The following NBPF12 variants were observed in gnomAD, a reference collection of about 807,000 sequenced individuals.
The protein encoded by NBPF12 is NBPF member 12.
Under a neutral mutation model 146.4 loss-of-function variants are expected in NBPF12, and 115 were observed. The observed-to-expected ratio is 0.79, with a 90% CI of 0.68 to 0.92. The LOEUF is 0.92. NBPF12 is among the 40% of genes least tolerant of loss of function. NBPF12 has a pLI of 0.00. For missense variants in NBPF12, 1,205 were observed against 1,326.8 expected (o/e 0.91, Z 1.43); for synonymous variants, 385 against 508.9 (o/e 0.76, Z 3.28).
rs1228501002 is a variant in NBPF12, at chr1:146,952,981, T to C, written c.-184+1492T>C. Among the ~76,000 whole-genome samples the C allele has an allele frequency of 9.9e-5, 15 of 151,126 alleles. No individual in the cohort carries two copies. The East Asian group carries it at 2.9e-3, about 30-fold the overall frequency. ...TCCCACCAAGGAAGACCCAGAGGCA[T>C]TCTCCTCACCAAGGCATTAAGAAAT... is the stretch of plus-strand genomic sequence containing the variant. On this transcript the variant is annotated intron_variant, in intron 2 of 33. Transcript: ENST00000617844.
At chr1:146,972,720 C>T (rs1303958757) in intron 13 of NBPF12, 31 bp from the exon 17 acceptor site, 4 of 1,376,178 alleles carry the variant, frequency 2.9e-6, no homozygotes, top group Non-Finnish European at 4.1e-6. Flanking sequence ...CAGTTTTTAA[C>T]CCATCATGTG....
intron 6 of NBPF12, among the ~76,000 whole-genome samples, chr1:146,963,763 A>G (rs1165893805): frequency 1.3e-5 from 2 of 149,072 alleles, no homozygotes; most frequent in African/African-American, 5.0e-5. Flanking sequence ...AAGCATCCAA[A>G]TATGGGAACA....
At chr1:146,976,653 G>T (rs1203350814) in intron 16 of NBPF12, among the ~76,000 whole-genome samples, 1 of 151,490 alleles carries the variant, frequency 6.6e-6, no homozygotes, top group Admixed American at 6.6e-5. Context: ...AGCTGCCAAA[G>T]TCCAGAGAGA....
intron 13 of NBPF12, among the ~76,000 whole-genome samples, chr1:146,972,451 T>A (rs1263941414): frequency 1.3e-5 from 2 of 151,444 alleles, no homozygotes; most frequent in Non-Finnish European, 2.9e-5. Flanking sequence ...TGAAATCTTT[T>A]GTGCTACACA....
chr1:146,938,539 T>C (rs1654635587), upstream of NBPF12, among the ~76,000 whole-genome samples: 1 of 152,032 alleles, frequency 6.6e-6, no homozygotes, highest in Admixed American at 6.5e-5. Flanking sequence ...CTGCGCTCCG[T>C]CCTCCATTAC....
chr1:146,963,075 T>C lies in NBPF12; in HGVS notation c.279-20T>C. The C allele has an allele frequency of 6.2e-7, 1 of 1,610,228 alleles. No homozygotes were observed. Among genetic ancestry groups the C allele is most frequent in the Non-Finnish European group, 8.5e-7 (1 of 1,178,508 alleles). ...CTCAACGCTTTTCACTGTTAAATTT[T>C]CTCTACCGTCTCACCTTAGGCAATA... On this transcript the variant is annotated intron_variant, in intron 5 of 33. Transcript: ENST00000617844.
rs1373125397 is a variant in NBPF12, at chr1:146,954,993, T to G, written c.-184+3504T>G. On this transcript the variant is annotated intron_variant, in intron 2 of 33. Transcript: ENST00000617844. ...GAATATATATATATATATATATATA[T>G]ATATATATATATATATATATACACA... is the stretch of plus-strand genomic sequence containing the variant. Among the ~76,000 whole-genome samples the G allele has an allele frequency of 3.1e-5, 2 of 64,512 alleles. 1 individual carries two copies. The highest frequency in any genetic ancestry group is 1.5e-4 in the African/African-American group (2 of 13,686). The allele number at this position is 64,512 out of a possible 152,430, so 42.3% of individuals were successfully genotyped here.
At chr1:146,962,959 A>G in intron 5 of NBPF12, 136 bp from the exon 9 acceptor site, 1 of 653,804 alleles carries the variant, frequency 1.5e-6, no homozygotes, top group Non-Finnish European at 2.7e-6. Flanking sequence ...TTGGCCACAG[A>G]CATTCCTTTC....
intron 1 of NBPF12, among the ~76,000 whole-genome samples, chr1:146,940,726 G>C (rs1570805618): frequency 2.6e-5 from 4 of 152,072 alleles, no homozygotes; most frequent in African/African-American, 9.7e-5. Flanking sequence ...TTTTCCCAAA[G>C]TGTTTTATCA....
chr1:146,984,205 G>A lies in NBPF12; in HGVS notation c.2666+20G>A. On this transcript the variant is annotated intron_variant, in intron 21 of 33. Coordinates refer to ENST00000617844, the Ensembl canonical transcript of NBPF12. The stretch of plus-strand genomic sequence containing the variant: ...TCCCAGGTGAGTCTGAGAAATTGTG[G>A]ACAGTTAATTTGATGTTGACACCTG... 3.9e-6 allele frequency: 3 copies of A among 771,302 alleles called. No individual in the cohort carries two copies. Among genetic ancestry groups the A allele is most frequent in the Non-Finnish European group, 6.9e-6 (3 of 433,202 alleles). The allele number at this position is 771,302 out of a possible 1,614,324, so 47.8% of individuals were successfully genotyped here. A position where few individuals can be genotyped will look rare whatever the true frequency, so the allele number is the denominator to read the frequency against.
At chr1:146,963,672 C>T (rs1348651835) in intron 6 of NBPF12, among the ~76,000 whole-genome samples, 4 of 151,768 alleles carry the variant, frequency 2.6e-5, no homozygotes, top group East Asian at 1.9e-4. Context: ...TTCTTAGTGT[C>T]GGTGAGTGAG....
rs1197288879 is a variant in NBPF12 at position 146,984,913 on chromosome 1, T to G, written c.2767T>G (p.Ser923Ala). 1.7e-5 allele frequency: 26 copies of G among 1,536,318 alleles called. No homozygotes were observed. In the South Asian group the frequency reaches 2.9e-4, roughly 17 times the overall value. Reference sequence around the variant, plus strand: ...TTCAGTTTATCTTGGACTGACTGACTCATGCCAGCCCTACAGAAGTGCCTT... The same window carrying G: ...TTCAGTTTATCTTGGACTGACTGACGCATGCCAGCCCTACAGAAGTGCCTT... The change falls in exon 22 of 34, where the codon TCA (serine) becomes GCA (alanine). Residue 923 changes from serine (S) to alanine (A), a missense_variant. By Grantham distance (99) the Ser-to-Ala change is moderately conservative (BLOSUM62 1). This residue lies in a region of NBPF12 where 68 missense variants were observed against 62.2 expected (regional missense o/e 1.09). Coordinates refer to ENST00000617844, the Ensembl canonical transcript of NBPF12.
In NBPF12 at chr1:146,975,521, A is replaced by T. The variant is rs1193373358; in HGVS notation, c.1905-156A>T. 2.1e-4 allele frequency among the ~76,000 whole-genome samples: 31 copies of T among 145,748 alleles called. 2 individuals carry two copies. The South Asian group carries it at 6.6e-3, about 31-fold the overall frequency. On this transcript the variant is annotated intron_variant, in intron 15 of 33. Transcript: ENST00000617844. ...AGAGGAAGCCTGTAAACCATTTTCT[A>T]TTCTTTCTCTTGGCCACAGACATTC... is the stretch of plus-strand genomic sequence containing the variant.
chr1:146,965,214 A>T (rs1656111753), intron 8 of NBPF12, 110 bp downstream of exon 11: 2 of 777,970 alleles, frequency 2.6e-6, no homozygotes, highest in Non-Finnish European at 4.6e-6. Flanking sequence ...AGAAACTAGG[A>T]TGGAGCTAGG....
At chr1:146,992,479 TG>T (rs1658254198) in intron 31 of NBPF12, among the ~76,000 whole-genome samples, 1 of 134,276 alleles carries the variant, frequency 7.4e-6, no homozygotes, top group African/African-American at 2.8e-5. Context: ...TGTGTGTGTG[TG>T]TGTGTGTGTG....
At chr1:146,944,926 G>GCCTC (rs1308578721), upstream of NBPF12, among the ~76,000 whole-genome samples, 2 of 23,004 alleles carry the variant, frequency 8.7e-5, no homozygotes, top group Admixed American at 7.1e-4. Context: ...CTCCCTCCCT[G>GCCTC]CCTCCCTCCC....
chr1:146,945,128 TTTTC>T (rs1431915634), upstream of NBPF12, among the ~76,000 whole-genome samples: 5 of 149,150 alleles, frequency 3.4e-5, no homozygotes, highest in African/African-American at 5.0e-5. Context: ...TCCTTTCTTC[TTTTC>T]TTTTTCTTTC....
At chr1:146,947,445 T>TGTGAGGACAA (rs1553883454), upstream of NBPF12, among the ~76,000 whole-genome samples, 1 of 146,116 alleles carries the variant, frequency 6.8e-6, no homozygotes, top group Non-Finnish European at 1.5e-5. Flanking sequence ...TTTTTCTAGC[T>TGTGAGGACAA]GTGAGGACAA....
At chr1:146,945,014 CCCTCCCTCCCTT>C (rs1654976301), upstream of NBPF12, among the ~76,000 whole-genome samples, 3 of 32,124 alleles carry the variant, frequency 9.3e-5, no homozygotes, top group Admixed American at 4.4e-4. Flanking sequence ...CTTCCTTCCT[CCCTCCCTCCCTT>C]CCTTCCTCCC....
Sources: allele counts gnomAD v4.1 joint callset (sites outside exome capture counted in the v4.1 genomes callset), GRCh38; gene constraint gnomAD v4.1.1; regional missense constraint gnomAD v4.1.1; transcripts MANE v1.5; gene names NCBI Gene and HGNC (gene_info 2026-07-23, HGNC 2026-07-21).